SUZ12: variants seen among roughly 807,000 people sequenced by gnomAD.
SUZ12 encodes SUZ12 polycomb repressive complex 2 subunit.
In SUZ12, 17 loss-of-function variants were observed where a neutral mutation model predicts 87.3. The observed-to-expected ratio is 0.19, with a 90% confidence interval of 0.13 to 0.29. The LOEUF is 0.29. Among genes scored for constraint, SUZ12 ranks in the 10% least tolerant of loss-of-function variants. The pLI is 1.00. For synonymous variants in SUZ12, 253 were observed against 312.4 expected (o/e 0.81, Z 2.01); for missense variants, 526 against 912.2 (o/e 0.58, Z 5.45).
intron 3 of SUZ12, among the ~76,000 whole-genome samples, chr17:31,943,769 C>T (rs989560633): frequency 3.3e-5 from 5 of 151,294 alleles, no homozygotes; most frequent in Admixed American, 6.6e-5. Context: ...GGCGCAATTT[C>T]GGCTCACTGC....
At position 31,982,854 on chromosome 17, in the gene SUZ12, G is replaced by A. The variant is rs568616400; in HGVS notation, c.918-145G>A. The stretch of plus-strand genomic sequence containing the variant: ...AAATTGCTTTCATCAGGACTGGAGT[G>A]TAGCTGTATTTTTAAAATCTTGTTG... On this transcript the variant is annotated intron_variant, in intron 8 of 15. Coordinates refer to ENST00000322652, the MANE Select transcript of SUZ12 (RefSeq NM_015355.4). The A allele has an allele frequency of 2.0e-5, 23 of 1,124,442 alleles. No homozygotes were observed. The South Asian group carries it at 3.2e-4, about 16-fold the overall frequency. The allele number at this position is 1,124,442 out of a possible 1,614,324, so 69.7% of individuals were successfully genotyped here.
chr17:31,996,624 AAAT>A (rs1488343943), intron 14 of SUZ12, among the ~76,000 whole-genome samples, 171 bp from the exon 15 acceptor site: 1 of 149,076 alleles, frequency 6.7e-6, no homozygotes, highest in African/African-American at 2.6e-5. Flanking sequence ...GTCTCTAACT[AAAT>A]AAATAAATTA....
chr17:31,937,284 G>A lies in SUZ12; in HGVS notation c.38G>A (p.Gly13Asp). ...PQKHGGGGGG[G>D]SGPSAGSGGG... ...AAGCACGGCGGTGGGGGAGGGGGCGGCTCGGGGCCCAGCGCGGGGTCCGGG... is the reference window on the plus strand; with the variant it reads ...AAGCACGGCGGTGGGGGAGGGGGCGACTCGGGGCCCAGCGCGGGGTCCGGG... The change falls in exon 1 of 16, where the codon GGC becomes GAC. Residue 13 changes from glycine (G) to aspartate (D), a missense_variant. Around this residue, in one of 9 missense-constraint regions of SUZ12, gnomAD observed 92 missense variants for 109.9 expected, o/e 0.84. Transcript: ENST00000322652. 7.2e-7 allele frequency: 1 copy of A among 1,396,422 alleles called. No homozygotes were observed. Among genetic ancestry groups the A allele is most frequent in the Admixed American group, 3.9e-5 (1 of 25,692 alleles). 86.5% of individuals were successfully genotyped at this position (1,396,422 alleles called of 1,614,324 possible). A position where few individuals can be genotyped will look rare whatever the true frequency, so the allele number is the denominator to read the frequency against.
chr17:31,982,552 G>A (rs1388660575), intron 8 of SUZ12, among the ~76,000 whole-genome samples: 3 of 152,090 alleles, frequency 2.0e-5, no homozygotes, highest in African/African-American at 7.2e-5. Flanking sequence ...CCAGCTACTC[G>A]GGAGGCTGAG....
intron 1 of SUZ12, among the ~76,000 whole-genome samples, chr17:31,938,730 C>T (rs1906092772): frequency 6.6e-6 from 1 of 152,174 alleles, no homozygotes; most frequent in East Asian, 1.9e-4. Flanking sequence ...AGTATCTCAT[C>T]TCCCTTTAGT....
intron 8 of SUZ12, among the ~76,000 whole-genome samples, chr17:31,982,022 G>A (rs484175): frequency 0.11 from 16,258 of 152,236 alleles, 1,064 homozygotes; most frequent in Middle Eastern, 0.15. Flanking sequence ...GAGCATGGTT[G>A]AAGAATGGTG....
At chr17:31,944,246 A>G (rs1051466307) in intron 3 of SUZ12, among the ~76,000 whole-genome samples, 2 of 151,610 alleles carry the variant, frequency 1.3e-5, no homozygotes, top group Non-Finnish European at 2.9e-5. Context: ...CTCCTGCCTC[A>G]GCCTCCCGAG....
At chr17:31,990,331 G>T (rs2428342) in intron 10 of SUZ12, among the ~76,000 whole-genome samples, 16,061 of 150,530 alleles carry the variant, frequency 0.11, 1,044 homozygotes, top group Middle Eastern at 0.16. Context: ...AGGATGGTCT[G>T]GACCTCCTGA....
chr17:31,952,227 A>T (rs776294465), intron 4 of SUZ12, among the ~76,000 whole-genome samples: 18 of 151,180 alleles, frequency 1.2e-4, no homozygotes, highest in Non-Finnish European at 2.4e-4. Flanking sequence ...TGCCTGGCTA[A>T]TTTTTAAATT....
chr17:31,992,730 G>A (rs1022548875), intron 10 of SUZ12, among the ~76,000 whole-genome samples: 1 of 143,894 alleles, frequency 6.9e-6, no homozygotes, highest in Non-Finnish European at 1.5e-5. Flanking sequence ...TTTTTGAGAC[G>A]GAGTTTTGCT....
chr17:31,994,784 A>T, intron 13 of SUZ12, 63 bp downstream of exon 13: 1 of 1,545,994 alleles, frequency 6.5e-7, no homozygotes, highest in Admixed American at 1.9e-5. Flanking sequence ...TGGAGGAACA[A>T]AGGAGCCAGA....
chr17:31,951,069 C>G (rs955501993), intron 4 of SUZ12, among the ~76,000 whole-genome samples: 2 of 152,072 alleles, frequency 1.3e-5, no homozygotes, highest in Non-Finnish European at 2.9e-5. Flanking sequence ...CGTGAGCCAC[C>G]GCGCCCGGCA....
At chr17:31,964,664 A>G (rs971617825) in intron 4 of SUZ12, among the ~76,000 whole-genome samples, 4 of 152,070 alleles carry the variant, frequency 2.6e-5, no homozygotes, top group Admixed American at 6.6e-5. Flanking sequence ...TCGGCCTCCC[A>G]AAGTGCCAGG....
chr17:31,995,178 G>A (rs1295130003), intron 13 of SUZ12, among the ~76,000 whole-genome samples: 1 of 151,488 alleles, frequency 6.6e-6, no homozygotes, highest in African/African-American at 2.4e-5. Context: ...TAAGGCAGGT[G>A]TATGCATATG....
At chr17:31,986,404 A>AT (rs1248773356) in intron 9 of SUZ12, among the ~76,000 whole-genome samples, 1 of 151,854 alleles carries the variant, frequency 6.6e-6, no homozygotes, top group Non-Finnish European at 1.5e-5. Flanking sequence ...GGGTTATTTG[A>AT]TTTTTTTTAA....
chr17:31,979,299 C>T (rs749483564), intron 8 of SUZ12, among the ~76,000 whole-genome samples: 9 of 152,028 alleles, frequency 5.9e-5, no homozygotes, highest in Admixed American at 4.6e-4. Flanking sequence ...CATTTATAAA[C>T]TCTCTTGCAT....
At chr17:31,997,875 T>C (rs895950243) in intron 15 of SUZ12, among the ~76,000 whole-genome samples, 1 of 152,090 alleles carries the variant, frequency 6.6e-6, no homozygotes, top group Non-Finnish European at 1.5e-5. Context: ...ACGTGGCTTT[T>C]TGGATTTGTT....
intron 8 of SUZ12, 133 bp downstream of exon 8, chr17:31,976,747 T>C (rs969030405): frequency 1.5e-6 from 1 of 666,124 alleles, no homozygotes; most frequent in Non-Finnish European, 2.5e-6. Flanking sequence ...AAAAACAAAT[T>C]TGCAAACACT....
chr17:31,962,689 C>G (rs1907807821), intron 4 of SUZ12, among the ~76,000 whole-genome samples: 1 of 152,194 alleles, frequency 6.6e-6, no homozygotes, highest in Non-Finnish European at 1.5e-5. Context: ...CACCAGAATT[C>G]AAACTTGGAT....
Sources: allele counts gnomAD v4.1 joint callset (sites outside exome capture counted in the v4.1 genomes callset), GRCh38; gene constraint gnomAD v4.1.1; regional missense constraint gnomAD v4.1.1; transcripts MANE v1.5; gene names NCBI Gene and HGNC (gene_info 2026-07-23, HGNC 2026-07-21).